TMED1: variants seen among roughly 807,000 people sequenced by gnomAD.
TMED1 encodes the protein transmembrane emp24 domain-containing protein 1.
In TMED1, 20 loss-of-function variants were observed where a neutral mutation model predicts 21.2. That is an observed-to-expected ratio of 0.95 (90% confidence interval 0.67 to 1.37). The LOEUF is 1.37. TMED1 is among the 40% of genes most tolerant of loss of function. TMED1 has a pLI of 0.00. For missense variants in TMED1, 316 were observed against 309.8 expected, an observed-to-expected ratio of 1.02 and a Z score of -0.15; for synonymous variants, 149 against 134.7, an observed-to-expected ratio of 1.11 and a Z score of -0.74.
rs148493574 is a variant in TMED1 at position 10,835,738 on chromosome 19, G to T, written c.183+271C>A. 1.5e-5 allele frequency: 21 copies of T among 1,408,486 alleles called. No homozygotes were observed. The East Asian group carries it at 4.1e-4, about 28-fold the overall frequency. The allele number at this position is 1,408,486 out of a possible 1,614,324, so 87.2% of individuals were successfully genotyped here. On this transcript the variant is annotated intron_variant, in intron 1 of 3. Transcript: ENST00000214869. ...ATCAGCACTATCGCCACGCCCACCA[G>T]CCAGAGTCCTGTCCTCTCAGAGGCT...
chr19:10,835,257 T>A lies in TMED1; in HGVS notation c.280A>T (p.Thr94Ser). The A allele has an allele frequency of 3.1e-6, 5 of 1,614,120 alleles. No individual in the cohort carries two copies. Among genetic ancestry groups the A allele is most frequent in the Non-Finnish European group, 4.2e-6 (5 of 1,180,018 alleles). Residue 94 changes from threonine to serine, a missense_variant and splice_region_variant, in exon 2 of 4, where the codon ACG becomes TCG. Transcript: ENST00000214869. ...GGCAGGCATCAAGACTGAACTCACG[T>A]GTGTACCCCATCAGCCTTGCGGGAC... ...SESRKADGVHTVEPTEAGDYK... is the reference protein window; with the variant it reads ...SESRKADGVHSVEPTEAGDYK...
chr19:10,834,957 C>T lies in TMED1; in HGVS notation c.442G>A (p.Asp148Asn). ...ACCTTGATGTCCTCCATTTTAACATCCAGCATCTCCTCGGGCTCCACAGCC... is the reference window on the plus strand; with the variant it reads ...ACCTTGATGTCCTCCATTTTAACATTCAGCATCTCCTCGGGCTCCACAGCC... ...AEAVEPEEML[D>N]VKMEDIKESI... The change falls in exon 3 of 4, where the codon GAT (aspartate) becomes AAT (asparagine). Residue 148 changes from aspartate (D) to asparagine (N), a missense_variant. Asp to Asn is a conservative substitution (Grantham distance 23). Transcript: ENST00000214869. 1 of 1,613,988 alleles carries T rather than the reference C, an allele frequency of 6.2e-7. No individual in the cohort carries two copies. Among genetic ancestry groups the T allele is most frequent in the East Asian group, 2.2e-5 (1 of 44,894 alleles).
In TMED1 at chr19:10,836,204, C is replaced by G. The variant is rs1300388839; in HGVS notation, c.-13G>C. 21 of 1,538,866 alleles carry G rather than the reference C, an allele frequency of 1.4e-5. No individual in the cohort carries two copies. The highest frequency in any genetic ancestry group is 2.8e-5 in the African/African-American group (2 of 72,374). The stretch of plus-strand genomic sequence containing the variant: ...CGGCCGCCATCATCCGGGTCACCCT[C>G]TGGTCTGCAAAGGGGTCGCGGCTCC... On this transcript the variant is annotated 5_prime_UTR_variant, in exon 1 of 4. Coordinates refer to ENST00000214869, the MANE Select transcript of TMED1 (RefSeq NM_006858.4).
chr19:10,835,722 A>C, intron 1 of TMED1: 1 of 1,399,806 alleles, frequency 7.1e-7, no homozygotes, highest in Non-Finnish European at 9.3e-7. Flanking sequence ...TATCAGCACT[A>C]TCGCCACGCC....
chr19:10,832,862 G>T lies in TMED1; in HGVS notation c.*133C>A. 1 of 997,662 alleles carries T rather than the reference G, an allele frequency of 1.0e-6. No homozygotes were observed. Among genetic ancestry groups the T allele is most frequent in the South Asian group, 1.5e-5 (1 of 64,872 alleles). The allele number at this position is 997,662 out of a possible 1,614,324, so 61.8% of individuals were successfully genotyped here. On this transcript the variant is annotated 3_prime_UTR_variant, in exon 4 of 4. Transcript: ENST00000214869. ...CCGCTGAGGACGGAAGGAGACTCAT[G>T]GGGCCAGACCGCAGGCCCTGACTGC... is the stretch of plus-strand genomic sequence containing the variant.
At chr19:10,834,793 CTTATT>C (rs1568328405) in intron 3 of TMED1, 136 bp downstream of exon 3, 13 of 1,060,970 alleles carry the variant, frequency 1.2e-5, no homozygotes, top group East Asian at 4.8e-5. Context: ...AAATGAACTA[CTTATT>C]TTAAGAGCTG....
rs745980359 is a variant in TMED1, at chr19:10,833,129, T to G, written c.550A>C (p.Asn184His). The change falls in exon 4 of 4, where the codon AAC (asparagine) becomes CAC (histidine). Residue 184 changes from asparagine (N) to histidine (H), a missense_variant. Transcript: ENST00000214869. ...LLRAFEARDR[N>H]LQEGNLERVN... Reference sequence around the variant, plus strand: ...CGCTCCAAGTTGCCCTCTTGCAGGTTGCGGTCACGTGCCTCGAAGGCCCGC... The same window carrying G: ...CGCTCCAAGTTGCCCTCTTGCAGGTGGCGGTCACGTGCCTCGAAGGCCCGC... 1.5e-5 allele frequency: 24 copies of G among 1,614,048 alleles called. No homozygotes were observed. Among genetic ancestry groups the G allele is most frequent in the Non-Finnish European group, 2.0e-5 (24 of 1,180,042 alleles).
chr19:10,835,935 C>G (rs963096126), intron 1 of TMED1, 74 bp downstream of exon 1: 2 of 1,481,764 alleles, frequency 1.3e-6, no homozygotes, highest in Non-Finnish European at 1.8e-6. Context: ...CCTCCTAAAG[C>G]GCGCCTCGCC....
Position 10,832,271 on chromosome 19 carries a change from A to C in TMED1, c.*724T>G. On this transcript the variant is annotated 3_prime_UTR_variant, in exon 4 of 4. Coordinates refer to ENST00000214869, the MANE Select transcript of TMED1 (RefSeq NM_006858.4). ...CTCGTGGCCCAACTGGGGCTCAGTT[A>C]AACTTTGCTTTCTGATTTTTCTCTT... The C allele has an allele frequency of 7.8e-7, 1 of 1,289,382 alleles. No homozygotes were observed. The highest frequency in any genetic ancestry group is 1.0e-6 in the Non-Finnish European group (1 of 988,596). 79.9% of individuals were successfully genotyped at this position (1,289,382 alleles called of 1,614,324 possible).
At position 10,835,132 on chromosome 19, in the gene TMED1, A is replaced by C; in HGVS notation, c.282-15T>G. 1 of 1,611,774 alleles carries C rather than the reference A, an allele frequency of 6.2e-7. No individual in the cohort carries two copies. Among genetic ancestry groups the C allele is most frequent in the African/African-American group, 1.3e-5 (1 of 75,042 alleles). ...TTGGCTCCACCCTGGGCAGACAGAC[A>C]CACAGACATGACCCAGGGTGGCCAG... On this transcript the variant is annotated splice_polypyrimidine_tract_variant and intron_variant, in intron 2 of 3. Coordinates refer to ENST00000214869, the MANE Select transcript of TMED1 (RefSeq NM_006858.4).
At position 10,833,114 on chromosome 19, in the gene TMED1, T is replaced by G; in HGVS notation, c.565A>C (p.Asn189His). 1 of 1,614,052 alleles carries G rather than the reference T, an allele frequency of 6.2e-7. No individual in the cohort carries two copies. Among genetic ancestry groups the G allele is most frequent in the Middle Eastern group, 1.6e-4 (1 of 6,062 alleles). ...EARDRNLQEGNLERVNFWSAV... is the reference protein window; with the variant it reads ...EARDRNLQEGHLERVNFWSAV... ...GACCAGAAGTTGACCCGCTCCAAGT[T>G]GCCCTCTTGCAGGTTGCGGTCACGT... Residue 189 changes from asparagine (N) to histidine (H), a missense_variant, in exon 4 of 4, where the codon AAC becomes CAC. Coordinates refer to ENST00000214869, the MANE Select transcript of TMED1 (RefSeq NM_006858.4).
intron 2 of TMED1, 64 bp downstream of exon 2, chr19:10,835,192 C>T: frequency 6.2e-7 from 1 of 1,612,414 alleles, no homozygotes; most frequent in Non-Finnish European, 8.5e-7. Flanking sequence ...GGGCGGTAAC[C>T]TGAGGCCGCC....
chr19:10,832,262 G>C lies in TMED1; in HGVS notation c.*733C>G, dbSNP rs1400330990. 2 of 1,288,872 alleles carry C rather than the reference G, an allele frequency of 1.6e-6. No homozygotes were observed. Among genetic ancestry groups the C allele is most frequent in the Admixed American group, 4.6e-5 (2 of 43,548 alleles). The allele number at this position is 1,288,872 out of a possible 1,614,324, so 79.8% of individuals were successfully genotyped here. A position where few individuals can be genotyped will look rare whatever the true frequency, so the allele number is the denominator to read the frequency against. On this transcript the variant is annotated 3_prime_UTR_variant, in exon 4 of 4. Transcript: ENST00000214869. ...AGCCCAAGCCTCGTGGCCCAACTGGGGCTCAGTTAAACTTTGCTTTCTGAT... is the reference window on the plus strand; with the variant it reads ...AGCCCAAGCCTCGTGGCCCAACTGGCGCTCAGTTAAACTTTGCTTTCTGAT...
rs762932593 is a variant in TMED1 at position 10,833,207 on chromosome 19, T to C, written c.472A>G (p.Ile158Val). Residue 158 changes from isoleucine to valine, a missense_variant, in exon 4 of 4, where the codon ATT becomes GTT. Ile to Val is a conservative substitution (Grantham distance 29). Transcript: ENST00000214869. Reference protein sequence around the residue: ...DVKMEDIKESIETMRTRLERS... With the variant: ...DVKMEDIKESVETMRTRLERS... Reference sequence around the variant, plus strand: ...TCCAGCCGGGTCCGCATGGTCTCAATGGACTCCTACAGGGCAGCGGGAGGG... The same window carrying C: ...TCCAGCCGGGTCCGCATGGTCTCAACGGACTCCTACAGGGCAGCGGGAGGG... The C allele has an allele frequency of 1.2e-6, 2 of 1,612,442 alleles. No homozygotes were observed. The highest frequency in any genetic ancestry group is 1.7e-6 in the Non-Finnish European group (2 of 1,179,524).
chr19:10,834,881 C>G, intron 3 of TMED1, 53 bp downstream of exon 3: 1 of 1,581,404 alleles, frequency 6.3e-7, no homozygotes, highest in African/African-American at 1.3e-5. Flanking sequence ...GGGGGCACCC[C>G]AGGTGAATCC....
chr19:10,835,248 G>A lies in TMED1; in HGVS notation c.281+8C>T. The A allele has an allele frequency of 1.9e-6, 3 of 1,614,122 alleles. No individual in the cohort carries two copies. Among genetic ancestry groups the A allele is most frequent in the Non-Finnish European group, 2.5e-6 (3 of 1,180,010 alleles). On this transcript the variant is annotated splice_region_variant and intron_variant, in intron 2 of 3. Transcript: ENST00000214869. ...CTGAACCCAGGCAGGCATCAAGACTGAACTCACGTGTGTACCCCATCAGCC... is the reference window on the plus strand; with the variant it reads ...CTGAACCCAGGCAGGCATCAAGACTAAACTCACGTGTGTACCCCATCAGCC...
intron 3 of TMED1, 73 bp from the exon 4 acceptor site, chr19:10,833,286 G>T (rs1277820798): frequency 7.9e-7 from 1 of 1,260,928 alleles, no homozygotes; most frequent in Non-Finnish European, 1.1e-6. Context: ...AAAAACCGGG[G>T]GATACGGAGG....
rs1599645721 is a variant in TMED1, at chr19:10,832,261, G to A, written c.*734C>T. The A allele has an allele frequency of 1.6e-6, 2 of 1,288,442 alleles. No individual in the cohort carries two copies. The highest frequency in any genetic ancestry group is 2.0e-6 in the Non-Finnish European group (2 of 987,690). 79.8% of individuals were successfully genotyped at this position (1,288,442 alleles called of 1,614,324 possible). The stretch of plus-strand genomic sequence containing the variant: ...AAGCCCAAGCCTCGTGGCCCAACTG[G>A]GGCTCAGTTAAACTTTGCTTTCTGA... On this transcript the variant is annotated 3_prime_UTR_variant, in exon 4 of 4. Coordinates refer to ENST00000214869, the MANE Select transcript of TMED1 (RefSeq NM_006858.4).
Position 10,835,308 on chromosome 19 carries a change from G to A in TMED1, c.229C>T (p.Pro77Ser), listed in dbSNP as rs372481370. Residue 77 changes from proline (P) to serine (S), a missense_variant, in exon 2 of 4, where the codon CCT (proline) becomes TCT (serine). Transcript: ENST00000214869. ...TCGCTGACCAACAGCACGCCCTGAGGGCTCTCCAGCGTGAAGTCCACGTCC... is the reference window on the plus strand; with the variant it reads ...TCGCTGACCAACAGCACGCCCTGAGAGCTCTCCAGCGTGAAGTCCACGTCC... ...GLDVDFTLES[P>S]QGVLLVSESR... 6.2e-7 allele frequency: 1 copy of A among 1,613,922 alleles called. No individual in the cohort carries two copies. Among genetic ancestry groups the A allele is most frequent in the Non-Finnish European group, 8.5e-7 (1 of 1,179,948 alleles).
Sources: allele counts gnomAD v4.1 joint callset, GRCh38; gene constraint gnomAD v4.1.1; transcripts MANE v1.5; gene names NCBI Gene and HGNC (gene_info 2026-07-23, HGNC 2026-07-21).